CSMD1: variants seen among roughly 807,000 people sequenced by gnomAD.
The protein encoded by CSMD1 is CUB and Sushi multiple domains 1.
A neutral mutation model predicts 417.5 loss-of-function variants in CSMD1; 213 were observed. The observed-to-expected ratio is 0.51, with a 90% CI of 0.46 to 0.57. CSMD1 has a LOEUF of 0.57. Among genes scored for constraint, CSMD1 ranks in the 20% least tolerant of loss-of-function variants. The pLI, the probability that CSMD1 is intolerant of heterozygous loss-of-function variation, is 0.00. For missense variants in CSMD1, 6,923 were observed against 4,529.7 expected (o/e 1.53, Z -15.17); for synonymous variants, 2,862 against 1,736.8 (o/e 1.65, Z -16.11).
chr8:4,239,107 G>A (rs1483676937), intron 3 of CSMD1, among the ~76,000 whole-genome samples: 1 of 152,078 alleles, frequency 6.6e-6, no homozygotes, highest in African/African-American at 2.4e-5. Context: ...TTTTCTTAAG[G>A]GAGATTATGT....
intron 2 of CSMD1, among the ~76,000 whole-genome samples, chr8:4,446,925 C>T (rs1444812377): frequency 6.9e-6 from 1 of 145,670 alleles, no homozygotes; most frequent in African/African-American, 2.7e-5. Flanking sequence ...CTGGCAGAGA[C>T]CGTGTTTATT....
chr8:3,523,112 G>A (rs1434992717), intron 10 of CSMD1, among the ~76,000 whole-genome samples: 2 of 151,550 alleles, frequency 1.3e-5, no homozygotes, highest in Non-Finnish European at 2.9e-5. Context: ...AGTTACATCT[G>A]CACATTTTTC....
chr8:4,846,550 G>C (rs181574926), intron 1 of CSMD1, among the ~76,000 whole-genome samples: 1 of 152,196 alleles, frequency 6.6e-6, no homozygotes, highest in Admixed American at 6.5e-5. Flanking sequence ...GCTCCTGTAA[G>C]ATTCTGCTTT....
chr8:3,742,380 G>A (rs957541923), intron 6 of CSMD1, among the ~76,000 whole-genome samples: 15 of 152,208 alleles, frequency 9.9e-5, no homozygotes, highest in Admixed American at 3.9e-4. Flanking sequence ...TATTTTTCAA[G>A]AACTATAAGT....
At chr8:3,959,762 C>A (rs1278093568) in intron 5 of CSMD1, among the ~76,000 whole-genome samples, 1 of 152,168 alleles carries the variant, frequency 6.6e-6, no homozygotes, top group Non-Finnish European at 1.5e-5. Context: ...TTAGGTATGT[C>A]TTCAGTTTTG....
chr8:4,493,675 A>C (rs1801837385), intron 2 of CSMD1, among the ~76,000 whole-genome samples: 1 of 152,178 alleles, frequency 6.6e-6, no homozygotes, highest in South Asian at 2.1e-4. Flanking sequence ...AGATCGAGTG[A>C]GAGAGTGCAA....
chr8:3,324,811 T>G (rs1464926775), intron 23 of CSMD1, among the ~76,000 whole-genome samples: 1 of 152,222 alleles, frequency 6.6e-6, no homozygotes, highest in Non-Finnish European at 1.5e-5. Flanking sequence ...CATTTACTAT[T>G]GAATGGTGCT....
chr8:3,823,599 A>C (rs1801873211), intron 5 of CSMD1, among the ~76,000 whole-genome samples: 1 of 152,206 alleles, frequency 6.6e-6, no homozygotes, highest in Non-Finnish European at 1.5e-5. Flanking sequence ...GAACCATTCA[A>C]CTTATGCTTG....
chr8:4,275,248 G>C (rs973993914), intron 3 of CSMD1, among the ~76,000 whole-genome samples: 1 of 151,968 alleles, frequency 6.6e-6, no homozygotes, highest in African/African-American at 2.4e-5. Context: ...AAATAAATAT[G>C]GGCGAAATGA....
At chr8:4,168,581 C>T (rs1012880508) in intron 3 of CSMD1, among the ~76,000 whole-genome samples, 2 of 152,052 alleles carry the variant, frequency 1.3e-5, no homozygotes, top group African/African-American at 4.8e-5. Flanking sequence ...AATAGACGGG[C>T]TTTGCAGGGA....
chr8:4,011,462 G>A (rs528554318), intron 4 of CSMD1, among the ~76,000 whole-genome samples: 10 of 152,008 alleles, frequency 6.6e-5, no homozygotes, highest in Non-Finnish European at 1.3e-4. Flanking sequence ...CCACATTTGC[G>A]GTCTTTAACC....
At chr8:3,250,971 T>A (rs967989756) in intron 26 of CSMD1, among the ~76,000 whole-genome samples, 2 of 152,222 alleles carry the variant, frequency 1.3e-5, no homozygotes, top group African/African-American at 2.4e-5. Flanking sequence ...TAGCCCTTTG[T>A]CAGATGAGTA....
chr8:4,207,060 G>C (rs530110937), intron 3 of CSMD1, among the ~76,000 whole-genome samples: 3 of 152,176 alleles, frequency 2.0e-5, no homozygotes, highest in Middle Eastern at 3.4e-3. Context: ...ATTTACATTT[G>C]CAAGAGGTGT....
chr8:3,280,603 G>T (rs1013489559), intron 26 of CSMD1, among the ~76,000 whole-genome samples: 1 of 152,058 alleles, frequency 6.6e-6, no homozygotes, highest in Non-Finnish European at 1.5e-5. Context: ...TTGGAGGGAT[G>T]GATCCTATCC....
At chr8:3,144,999 A>G (rs1028108867) in intron 40 of CSMD1, among the ~76,000 whole-genome samples, 4 of 152,104 alleles carry the variant, frequency 2.6e-5, no homozygotes, top group South Asian at 2.1e-4. Context: ...CACAAATCTA[A>G]TAAGAATGAA....
chr8:4,442,675 T>C (rs1011568435), intron 2 of CSMD1, among the ~76,000 whole-genome samples: 2 of 152,214 alleles, frequency 1.3e-5, no homozygotes, highest in African/African-American at 2.4e-5. Flanking sequence ...GACTTTCCCT[T>C]ATTCAATGTC....
At chr8:4,273,393 A>G (rs779113) in intron 3 of CSMD1, among the ~76,000 whole-genome samples, 8,622 of 152,218 alleles carry the variant, frequency 0.057, 364 homozygotes, top group South Asian at 0.16. Context: ...ATTTCATATC[A>G]GATAACCGGT....
intron 5 of CSMD1, among the ~76,000 whole-genome samples, chr8:3,879,006 C>T (rs1226680817): frequency 6.6e-6 from 1 of 152,004 alleles, no homozygotes; most frequent in African/African-American, 2.4e-5. Context: ...TATATTAGTA[C>T]TAATAATTTA....
At chr8:2,985,901 C>A (rs908483632) in intron 54 of CSMD1, among the ~76,000 whole-genome samples, 1 of 125,036 alleles carries the variant, frequency 8.0e-6, no homozygotes, top group African/African-American at 3.2e-5. Context: ...ATATTGTGAT[C>A]GAAAAGAAAG....
Sources: allele counts gnomAD v4.1 joint callset (sites outside exome capture counted in the v4.1 genomes callset), GRCh38; gene constraint gnomAD v4.1.1; transcripts MANE v1.5; gene names NCBI Gene and HGNC (gene_info 2026-07-23, HGNC 2026-07-21).